Variants in MIB1 observed in about 807,000 individuals in gnomAD.
MIB1 encodes the protein MIB E3 ubiquitin protein ligase 1.
MIB1 carries 278 observed loss-of-function variants against 124.5 expected under a neutral mutation model. That is an observed-to-expected ratio of 2.23 (90% CI 2.02 to 2.47). The LOEUF (loss-of-function observed/expected upper bound fraction) is 2.47, where lower values mean the gene tolerates loss of function less well. Among genes scored for constraint, MIB1 ranks in the 30% most tolerant of loss-of-function variants. The pLI, the probability that MIB1 is intolerant of heterozygous loss-of-function variation, is 0.00. For missense variants in MIB1, 957 were observed against 1,254.4 expected, an observed-to-expected ratio of 0.76 and a Z score of 3.58; for synonymous variants, 446 against 429.4, an observed-to-expected ratio of 1.04 and a Z score of -0.48.
intron 18 of MIB1, among the ~76,000 whole-genome samples, chr18:21,854,307 A>G (rs1399111467): frequency 6.6e-6 from 1 of 152,180 alleles, no homozygotes; most frequent in Non-Finnish European, 1.5e-5. Flanking sequence ...TGTAGTAACC[A>G]CTCAGCTCTT....
rs1395926086 is a variant in MIB1, at chr18:21,867,649, T to C, written c.*2983T>C. On this transcript the variant is annotated 3_prime_UTR_variant, in exon 21 of 21. Transcript: ENST00000261537. Reference sequence around the variant, plus strand: ...CATAAAATTAATTGATAATTAATGTTGGAAATACATTTCTAAAATTTATAT... The same window carrying C: ...CATAAAATTAATTGATAATTAATGTCGGAAATACATTTCTAAAATTTATAT... 6.6e-6 allele frequency: 1 copy of C among 152,616 alleles called. No homozygotes were observed. The highest frequency in any genetic ancestry group is 2.4e-5 in the African/African-American group (1 of 41,472). 9.5% of individuals were successfully genotyped at this position (152,616 alleles called of 1,614,324 possible).
chr18:21,850,748 G>A (rs1195590428), intron 17 of MIB1, among the ~76,000 whole-genome samples: 1 of 152,124 alleles, frequency 6.6e-6, no homozygotes, highest in Non-Finnish European at 1.5e-5. Context: ...TGTTAACCCT[G>A]CTTAATAAAT....
At chr18:21,860,125 T>A (rs113390448) in intron 20 of MIB1, among the ~76,000 whole-genome samples, 99 of 107,328 alleles carry the variant, frequency 9.2e-4, no homozygotes, top group Non-Finnish European at 1.7e-3. Flanking sequence ...TTTTTTTTTT[T>A]AGAGTCTCAC....
chr18:21,849,186 CTTTT>C lies in MIB1; in HGVS notation c.2394-9_2394-6del. On this transcript the variant is annotated splice_region_variant and splice_polypyrimidine_tract_variant and intron_variant, in intron 16 of 20. Coordinates refer to ENST00000261537, the MANE Select transcript of MIB1 (RefSeq NM_020774.4). ...AGATAGGCTTGATTTGAAATACTTT[CTTTT>C]ATTAGTGGTCAAGTGGGTTCTCGGA... is the stretch of plus-strand genomic sequence containing the variant. 6.0e-6 allele frequency: 9 copies of C among 1,494,202 alleles called. No individual in the cohort carries two copies. The highest frequency in any genetic ancestry group is 7.2e-6 in the Non-Finnish European group (8 of 1,113,626). 92.6% of individuals were successfully genotyped at this position (1,494,202 alleles called of 1,614,324 possible).
In MIB1 at chr18:21,779,613, T is replaced by G; in HGVS notation, c.836T>G (p.Leu279Ter). ...TGGACTGATGGAATGTTTGAGACTT[T>G]AACTACAACTGGAACTGTTTGTGGC... ...GGWTDGMFET[L>*]TTTGTVCGID... The change falls in exon 6 of 21, where the codon TTA becomes TGA. Residue 279 changes from leucine to a stop codon, truncating the protein, a stop_gained. Coordinates refer to ENST00000261537, the MANE Select transcript of MIB1 (RefSeq NM_020774.4). LOFTEE classifies it high-confidence loss of function. The G allele has an allele frequency of 1.2e-6, 2 of 1,614,124 alleles. No homozygotes were observed. Among genetic ancestry groups the G allele is most frequent in the Non-Finnish European group, 1.7e-6 (2 of 1,179,992 alleles).
intron 18 of MIB1, 66 bp from the exon 19 acceptor site, chr18:21,857,064 C>T: frequency 9.8e-7 from 1 of 1,024,606 alleles, no homozygotes. Flanking sequence ...TAAAAATTAG[C>T]AGAGAAAGGC....
At chr18:21,713,471 G>A (rs1343189751) in intron 1 of MIB1, among the ~76,000 whole-genome samples, 1 of 151,742 alleles carries the variant, frequency 6.6e-6, no homozygotes, top group African/African-American at 2.4e-5. Context: ...AAATTAGCCG[G>A]GCATGGTGGC....
rs2041501999 is a variant in MIB1 at position 21,791,423 on chromosome 18, G to A, written c.958G>A (p.Gly320Arg). 1.2e-6 allele frequency: 2 copies of A among 1,613,842 alleles called. No homozygotes were observed. Among genetic ancestry groups the A allele is most frequent in the Non-Finnish European group, 1.7e-6 (2 of 1,179,854 alleles). Reference sequence around the variant, plus strand: ...CACTAAAGCGAACATTGTCCGAAGTGGAGATGCTGCTCAGGGTGCAGAAGG... The same window carrying A: ...CACTAAAGCGAACATTGTCCGAAGTAGAGATGCTGCTCAGGGTGCAGAAGG... ...VLTKANIVRS[G>R]DAAQGAEGGT... The change falls in exon 7 of 21, where the codon GGA becomes AGA. Residue 320 changes from glycine (G) to arginine (R), a missense_variant. Transcript: ENST00000261537.
intron 18 of MIB1, among the ~76,000 whole-genome samples, chr18:21,856,123 G>A (rs868670826): frequency 7.9e-5 from 12 of 151,232 alleles, no homozygotes; most frequent in Non-Finnish European, 1.8e-4. Flanking sequence ...CCAGCTACTC[G>A]GGAGGCTGAG....
intron 1 of MIB1, among the ~76,000 whole-genome samples, chr18:21,722,186 C>T (rs557439644): frequency 5.9e-4 from 90 of 151,516 alleles, no homozygotes; most frequent in Non-Finnish European, 3.8e-4. Flanking sequence ...TCCTGAGTAG[C>T]TGGGATTATA....
chr18:21,753,970 G>A (rs897346681), intron 1 of MIB1, among the ~76,000 whole-genome samples: 5 of 152,126 alleles, frequency 3.3e-5, no homozygotes, highest in African/African-American at 7.2e-5. Context: ...GAGCCATGGC[G>A]CCTGGCCAAA....
intron 8 of MIB1, among the ~76,000 whole-genome samples, chr18:21,798,705 C>T (rs570605333): frequency 1.3e-5 from 2 of 152,064 alleles, no homozygotes; most frequent in African/African-American, 2.4e-5. Context: ...TACATGCTAC[C>T]GTGACTAGAA....
At chr18:21,736,310 CA>C (rs1368583511), upstream of MIB1, among the ~76,000 whole-genome samples, 1 of 152,140 alleles carries the variant, frequency 6.6e-6, no homozygotes, top group Non-Finnish European at 1.5e-5. Context: ...GGAAAACTAA[CA>C]AACAGAAAGG....
At chr18:21,801,940 T>C (rs756170141) in intron 9 of MIB1, among the ~76,000 whole-genome samples, 1 of 152,166 alleles carries the variant, frequency 6.6e-6, no homozygotes, top group Non-Finnish European at 1.5e-5. Context: ...CTGTATCCCC[T>C]GTCTTTTTGT....
chr18:21,764,507 G>A (rs543759984), intron 1 of MIB1, among the ~76,000 whole-genome samples: 43 of 152,266 alleles, frequency 2.8e-4, no homozygotes, highest in African/African-American at 1.0e-3. Flanking sequence ...AGAACACGTT[G>A]TCTCACCTTT....
At position 21,791,548 on chromosome 18, in the gene MIB1, GA is replaced by G. The variant is rs1169763552; in HGVS notation, c.1084del (p.Met362CysfsTer5). The G allele has an allele frequency of 6.2e-7, 1 of 1,610,386 alleles. No individual in the cohort carries two copies. The highest frequency in any genetic ancestry group is 1.7e-5 in the Admixed American group (1 of 59,792). The stretch of plus-strand genomic sequence containing the variant: ...GAGGACATGGAGAATGGGCTGAAGC[GA>G]TGCTTCCAGTAAGTATGTTTAGAAT... ...QRGHGEWAEA[M>X]LPTLGKVGRV... On this transcript the variant is annotated frameshift_variant, in exon 7 of 21. Coordinates refer to ENST00000261537, the MANE Select transcript of MIB1 (RefSeq NM_020774.4). LOFTEE classifies it high-confidence loss of function.
At chr18:21,805,666 G>C (rs1446827035) in intron 10 of MIB1, among the ~76,000 whole-genome samples, 1 of 151,928 alleles carries the variant, frequency 6.6e-6, no homozygotes, top group Non-Finnish European at 1.5e-5. Flanking sequence ...AAGTCCTTCT[G>C]ATTACAGCTA....
chr18:21,757,109 G>A (rs2041041338), intron 1 of MIB1, among the ~76,000 whole-genome samples: 1 of 151,894 alleles, frequency 6.6e-6, no homozygotes, highest in Non-Finnish European at 1.5e-5. Context: ...GGTAAGAGTT[G>A]GAAGTAGATG....
intron 13 of MIB1, among the ~76,000 whole-genome samples, chr18:21,842,508 T>C (rs952713130): frequency 3.9e-5 from 6 of 152,220 alleles, no homozygotes; most frequent in African/African-American, 1.4e-4. Context: ...GACTCCCAAG[T>C]GCACTTATTT....
Sources: gnomAD v4.1 joint callset for allele counts (sites outside exome capture counted in the v4.1 genomes callset) on GRCh38, gnomAD v4.1.1 for gene constraint, MANE v1.5 for transcripts, NCBI Gene and HGNC (gene_info 2026-07-23, HGNC 2026-07-21) for gene names.